LRIG1: variants seen among roughly 807,000 people sequenced by gnomAD.
LRIG1 encodes the protein leucine-rich repeats and immunoglobulin-like domains protein 1.
A neutral mutation model predicts 99.2 loss-of-function variants in LRIG1; 48 were observed. That is an observed-to-expected ratio of 0.48 (90% CI 0.38 to 0.62). The LOEUF (loss-of-function observed/expected upper bound fraction) is 0.62. Ranked by LOEUF, LRIG1 falls within the 20% of genes least tolerant of loss-of-function variation. LRIG1 has a pLI of 0.00. For synonymous variants in LRIG1, 772 were observed against 596.1 expected (o/e 1.29, Z -4.30); for missense variants, 1,646 against 1,434.4 (o/e 1.15, Z -2.38).
At chr3:66,408,876 GATA>G in intron 7 of LRIG1, among the ~76,000 whole-genome samples, 1 of 142,746 alleles carries the variant, frequency 7.0e-6, no homozygotes, top group East Asian at 2.1e-4. Context: ...TTTTGCATTA[GATA>G]ATGATGGAGT....
chr3:66,383,413 C>T lies in LRIG1; in HGVS notation c.2072-12G>A, dbSNP rs746870258. ...CAAGGATGGGGTCTCTACAAGAGAGCAACAGAGATCTTAGTCATTCTCAGG... is the reference window on the plus strand; with the variant it reads ...CAAGGATGGGGTCTCTACAAGAGAGTAACAGAGATCTTAGTCATTCTCAGG... On this transcript the variant is annotated splice_polypyrimidine_tract_variant and intron_variant, in intron 14 of 18. Transcript: ENST00000273261. 6.5e-7 allele frequency: 1 copy of T among 1,528,052 alleles called. No individual in the cohort carries two copies. Among genetic ancestry groups the T allele is most frequent in the South Asian group, 1.3e-5 (1 of 77,542 alleles). The allele number at this position is 1,528,052 out of a possible 1,614,324, so 94.7% of individuals were successfully genotyped here. A position where few individuals can be genotyped will look rare whatever the true frequency, so the allele number is the denominator to read the frequency against.
chr3:66,478,432 C>T (rs1001934391), intron 1 of LRIG1, among the ~76,000 whole-genome samples: 1 of 152,200 alleles, frequency 6.6e-6, no homozygotes, highest in Non-Finnish European at 1.5e-5. Flanking sequence ...CCAACGGTAA[C>T]TCACAGTTGG....
chr3:66,404,151 G>A lies in LRIG1; in HGVS notation c.1160+1047C>T, dbSNP rs1476436207. ...AGCCAACAGAGCTTATTCCTAAGCA[G>A]GACCCTTGTATATAAAAGGTGCAAA... is the stretch of plus-strand genomic sequence containing the variant. On this transcript the variant is annotated intron_variant, in intron 9 of 18. Transcript: ENST00000273261. 3.0e-5 allele frequency: 25 copies of A among 844,228 alleles called. No individual in the cohort carries two copies. The South Asian group carries it at 3.1e-4, about 10-fold the overall frequency. The allele number at this position is 844,228 out of a possible 1,614,324, so 52.3% of individuals were successfully genotyped here. A position where few individuals can be genotyped will look rare whatever the true frequency, so the allele number is the denominator to read the frequency against.
intron 8 of LRIG1, chr3:66,405,721 G>A (rs778099302): frequency 1.6e-5 from 18 of 1,103,174 alleles, no homozygotes; most frequent in African/African-American, 4.9e-5. Context: ...AAAGAGACCC[G>A]GCACAGGGCC....
At chr3:66,426,852 C>T (rs561591107) in intron 3 of LRIG1, among the ~76,000 whole-genome samples, 55 of 152,206 alleles carry the variant, frequency 3.6e-4, no homozygotes, top group Non-Finnish European at 7.1e-4. Context: ...GAAGCTGTGC[C>T]CTTCCGCCCT....
chr3:66,486,264 AAGG>A (rs1700972343), intron 1 of LRIG1, among the ~76,000 whole-genome samples: 2 of 152,168 alleles, frequency 1.3e-5, no homozygotes, highest in Non-Finnish European at 2.9e-5. Flanking sequence ...TAACAAGCTT[AAGG>A]AAGTCGGCAC....
At chr3:66,381,454 A>G (rs746947166) in intron 17 of LRIG1, 25 bp downstream of exon 17, 9 of 1,596,832 alleles carry the variant, frequency 5.6e-6, no homozygotes, top group Admixed American at 3.4e-5. Context: ...GAAAGAAACT[A>G]CTTCCAATGG....
At chr3:66,431,874 C>T (rs751236964) in intron 3 of LRIG1, among the ~76,000 whole-genome samples, 23 of 152,194 alleles carry the variant, frequency 1.5e-4, no homozygotes. Flanking sequence ...GCAGGGCACA[C>T]AGCCCACCAA....
At chr3:66,384,863 G>A (rs781551118) in intron 13 of LRIG1, among the ~76,000 whole-genome samples, 8 of 152,194 alleles carry the variant, frequency 5.3e-5, no homozygotes, top group Non-Finnish European at 5.9e-5. Context: ...ATCCAGCCAC[G>A]TGTCAGGCAC....
intron 3 of LRIG1, among the ~76,000 whole-genome samples, chr3:66,439,666 A>C (rs1268965213): frequency 1.3e-5 from 2 of 152,146 alleles, no homozygotes; most frequent in Admixed American, 1.3e-4. Context: ...TTTTACTATA[A>C]AGAGAGTTTT....
intron 11 of LRIG1, among the ~76,000 whole-genome samples, chr3:66,394,629 C>G (rs572831226): frequency 1.3e-5 from 2 of 152,218 alleles, no homozygotes; most frequent in African/African-American, 4.8e-5. Flanking sequence ...CACCATCCCC[C>G]CTCTGGTTTT....
At chr3:66,398,048 A>T in intron 11 of LRIG1, 64 bp downstream of exon 11, 1 of 1,318,526 alleles carries the variant, frequency 7.6e-7, no homozygotes, top group Non-Finnish European at 1.1e-6. Context: ...ATGCAATTGC[A>T]GAAGTTTCTT....
At chr3:66,454,873 GTAC>G (rs1416096811) in intron 2 of LRIG1, among the ~76,000 whole-genome samples, 21 of 152,178 alleles carry the variant, frequency 1.4e-4, no homozygotes, top group African/African-American at 4.3e-4. Flanking sequence ...CTATTTCATA[GTAC>G]TACATCATCA....
At chr3:66,472,319 A>AC in intron 1 of LRIG1, among the ~76,000 whole-genome samples, 1 of 151,078 alleles carries the variant, frequency 6.6e-6, no homozygotes, top group African/African-American at 2.4e-5. Context: ...AAAAAAAAAA[A>AC]AAAAAAAAAA....
chr3:66,455,241 G>T (rs968839176), intron 2 of LRIG1, among the ~76,000 whole-genome samples: 5 of 152,176 alleles, frequency 3.3e-5, no homozygotes, highest in Non-Finnish European at 7.3e-5. Flanking sequence ...CACCATGCCT[G>T]AATTTTTCTT....
At chr3:66,422,627 T>C (rs572656111) in intron 3 of LRIG1, among the ~76,000 whole-genome samples, 1 of 152,330 alleles carries the variant, frequency 6.6e-6, no homozygotes, top group Admixed American at 6.5e-5. Flanking sequence ...AGTTCCAAAC[T>C]TTCCCACATC....
chr3:66,443,296 G>T lies in LRIG1; in HGVS notation c.365+8263C>A, dbSNP rs1052153413. ...TTGAAAAAGAAAAAAGGCAGGGAAGGGAGGGTATGTGTTGGGGGCAGGGGA... is the reference window on the plus strand; with the variant it reads ...TTGAAAAAGAAAAAAGGCAGGGAAGTGAGGGTATGTGTTGGGGGCAGGGGA... On this transcript the variant is annotated intron_variant, in intron 3 of 18. Transcript: ENST00000273261. 6.9e-5 allele frequency among the ~76,000 whole-genome samples: 9 copies of T among 130,342 alleles called. No individual in the cohort carries two copies. The East Asian group carries it at 2.2e-3, about 32-fold the overall frequency. The allele number at this position is 130,342 out of a possible 152,430, so 85.5% of individuals were successfully genotyped here.
intron 3 of LRIG1, among the ~76,000 whole-genome samples, chr3:66,429,787 G>GGTGT (rs35021380): frequency 8.9e-4 from 133 of 149,420 alleles, no homozygotes; most frequent in Non-Finnish European, 1.2e-3. Flanking sequence ...AAACAGGGTG[G>GGTGT]GTGTGTGTGT....
chr3:66,408,052 G>A (rs540440951), intron 7 of LRIG1, among the ~76,000 whole-genome samples: 13 of 152,290 alleles, frequency 8.5e-5, no homozygotes, highest in African/African-American at 2.2e-4. Flanking sequence ...CCCCATCCAC[G>A]TGGACCTCAG....
Sources: allele counts gnomAD v4.1 joint callset (sites outside exome capture counted in the v4.1 genomes callset), GRCh38; gene constraint gnomAD v4.1.1; transcripts MANE v1.5; gene names NCBI Gene and HGNC (gene_info 2026-07-23, HGNC 2026-07-21).